Variants in FRS2 observed in about 807,000 individuals in gnomAD.
FRS2 encodes fibroblast growth factor receptor substrate 2.
A neutral mutation model predicts 43.9 loss-of-function variants in FRS2; 8 were observed. The observed-to-expected ratio is 0.18, with a 90% CI of 0.11 to 0.33. FRS2 has a LOEUF of 0.33. Among genes scored for constraint, FRS2 ranks in the 10% least tolerant of loss-of-function variants. The pLI, the probability that FRS2 is intolerant of heterozygous loss-of-function variation, is 1.00. For missense variants in FRS2, 534 were observed against 627.6 expected (o/e 0.85, Z 1.59); for synonymous variants, 219 against 220.3 (o/e 0.99, Z 0.05).
At chr12:69,546,261 C>T (rs1453172683) in intron 3 of FRS2, among the ~76,000 whole-genome samples, 1 of 151,938 alleles carries the variant, frequency 6.6e-6, no homozygotes. Context: ...ATTAGGATGG[C>T]TACTTTTTTT....
chr12:69,560,064 T>G (rs1449348736), intron 3 of FRS2, among the ~76,000 whole-genome samples: 1 of 152,202 alleles, frequency 6.6e-6, no homozygotes, highest in Non-Finnish European at 1.5e-5. Context: ...CAGTGTTCTC[T>G]TTCCATGTCA....
rs141834743 is a variant in FRS2 at position 69,499,544 on chromosome 12, A to G, written c.-261+29014A>G. ...GTTCCCCTCTGCCCTCCACCCTCCA[A>G]TTTTGGAGAAAGCATCCACAAGGCT... On this transcript the variant is annotated intron_variant, in intron 1 of 8. Transcript: ENST00000549921. Among the ~76,000 whole-genome samples, 37 of 152,184 alleles carry G rather than the reference A, an allele frequency of 2.4e-4. 1 individual carries two copies. Among genetic ancestry groups the G allele is most frequent in the Middle Eastern group, 3.4e-3 (1 of 292 alleles).
At chr12:69,542,888 A>G (rs1878042846) in intron 3 of FRS2, among the ~76,000 whole-genome samples, 1 of 152,242 alleles carries the variant, frequency 6.6e-6, no homozygotes, top group Non-Finnish European at 1.5e-5. Flanking sequence ...GCAAAACGTC[A>G]AAGAATGAGC....
chr12:69,566,305 A>G (rs1880290229), intron 4 of FRS2, among the ~76,000 whole-genome samples: 1 of 152,318 alleles, frequency 6.6e-6, no homozygotes, highest in African/African-American at 2.4e-5. Flanking sequence ...CAAAAGCCAT[A>G]CTGTAGTAAT....
At chr12:69,481,256 C>G (rs1709587944) in intron 1 of FRS2, among the ~76,000 whole-genome samples, 2 of 150,790 alleles carry the variant, frequency 1.3e-5, no homozygotes, top group African/African-American at 4.9e-5. Context: ...AATCACAGTA[C>G]CATCATGAAA....
intron 1 of FRS2, among the ~76,000 whole-genome samples, chr12:69,505,293 A>G (rs1000615842): frequency 1.3e-5 from 2 of 152,252 alleles, no homozygotes; most frequent in Non-Finnish European, 2.9e-5. Flanking sequence ...TGTTTTGGGA[A>G]TATAGTTCTG....
At chr12:69,571,889 C>T (rs758167930) in intron 7 of FRS2, among the ~76,000 whole-genome samples, 1 of 151,578 alleles carries the variant, frequency 6.6e-6, no homozygotes, top group Non-Finnish European at 1.5e-5. Context: ...CAAAACAGAA[C>T]AAAAAAACAC....
chr12:69,554,023 T>G (rs1390193982), intron 3 of FRS2, among the ~76,000 whole-genome samples: 2 of 152,178 alleles, frequency 1.3e-5, no homozygotes, highest in African/African-American at 4.8e-5. Flanking sequence ...AAGTTCTGCT[T>G]GTTGGCAGGT....
rs1160382756 is a variant in FRS2 at position 69,575,073 on chromosome 12, G to A, written c.*118G>A. 4.6e-6 allele frequency: 3 copies of A among 659,304 alleles called. No individual in the cohort carries two copies. Among genetic ancestry groups the A allele is most frequent in the African/African-American group, 1.8e-5 (1 of 54,828 alleles). 40.8% of individuals were successfully genotyped at this position (659,304 alleles called of 1,614,324 possible). On this transcript the variant is annotated 3_prime_UTR_variant, in exon 9 of 9. Transcript: ENST00000549921. ...TTATAGACTGATAAAATTTTTTTCTGAATATTTCATGTGCATCTTTAACTA... is the reference window on the plus strand; with the variant it reads ...TTATAGACTGATAAAATTTTTTTCTAAATATTTCATGTGCATCTTTAACTA...
At chr12:69,572,044 A>G (rs1880807317) in intron 7 of FRS2, 74 bp from the exon 8 acceptor site, 1 of 1,137,196 alleles carries the variant, frequency 8.8e-7, no homozygotes, top group Non-Finnish European at 1.3e-6. Flanking sequence ...TCCTCAGTAC[A>G]GATTCGATTC....
At chr12:69,482,655 A>G (rs1249354435) in intron 1 of FRS2, among the ~76,000 whole-genome samples, 1 of 152,240 alleles carries the variant, frequency 6.6e-6, no homozygotes. Context: ...GTAGTCATTT[A>G]TATATTTAAA....
chr12:69,562,492 T>C (rs977709082), intron 4 of FRS2, among the ~76,000 whole-genome samples: 1 of 152,038 alleles, frequency 6.6e-6, no homozygotes, highest in African/African-American at 2.4e-5. Context: ...AATTTAATAA[T>C]GTTTTCTTGA....
At chr12:69,512,854 C>T (rs1874592600) in intron 1 of FRS2, among the ~76,000 whole-genome samples, 1 of 152,070 alleles carries the variant, frequency 6.6e-6, no homozygotes, top group African/African-American at 2.4e-5. Context: ...AGAATACAAA[C>T]AGTTGAAATC....
intron 3 of FRS2, among the ~76,000 whole-genome samples, chr12:69,561,103 A>G (rs755172774): frequency 4.6e-5 from 7 of 152,184 alleles, no homozygotes; most frequent in African/African-American, 7.2e-5. Flanking sequence ...GAAGTGGTTT[A>G]TGGTAGAATT....
chr12:69,501,976 T>G (rs940768051), intron 1 of FRS2, among the ~76,000 whole-genome samples: 6 of 150,554 alleles, frequency 4.0e-5, no homozygotes, highest in Admixed American at 3.3e-4. Flanking sequence ...TTTTTTTTGT[T>G]TTTTTGTGAG....
At chr12:69,520,400 G>T in intron 1 of FRS2, among the ~76,000 whole-genome samples, 3 of 137,018 alleles carry the variant, frequency 2.2e-5, no homozygotes, top group Non-Finnish European at 1.6e-5. Context: ...TTTTTTGCTG[G>T]GCAGAAGCCC....
At chr12:69,490,226 A>G (rs1872346498) in intron 1 of FRS2, among the ~76,000 whole-genome samples, 3 of 152,190 alleles carry the variant, frequency 2.0e-5, no homozygotes, top group Admixed American at 2.0e-4. Flanking sequence ...ATTAGCTGCT[A>G]TCAAATTAAT....
At chr12:69,501,794 A>G (rs1324148209) in intron 1 of FRS2, among the ~76,000 whole-genome samples, 2 of 152,152 alleles carry the variant, frequency 1.3e-5, no homozygotes, top group Admixed American at 6.6e-5. Context: ...CATCTTAATC[A>G]GTTGATGTTG....
chr12:69,569,603 T>C (rs1880580184), intron 5 of FRS2, among the ~76,000 whole-genome samples: 1 of 152,248 alleles, frequency 6.6e-6, no homozygotes, highest in East Asian at 1.9e-4. Context: ...TTACAAAGAA[T>C]AGCCTTGATC....
Sources: gnomAD v4.1 joint callset for allele counts (sites outside exome capture counted in the v4.1 genomes callset) on GRCh38, gnomAD v4.1.1 for gene constraint, MANE v1.5 for transcripts, NCBI Gene and HGNC (gene_info 2026-07-23, HGNC 2026-07-21) for gene names.